PPP3CA: variants seen among roughly 807,000 people sequenced by gnomAD.
PPP3CA encodes protein phosphatase 3 catalytic subunit alpha.
In PPP3CA, 14 loss-of-function variants were observed where a neutral mutation model predicts 66.5. The ratio of observed to expected loss-of-function variants is 0.21; its 90% confidence interval spans 0.14 to 0.33. The LOEUF is 0.33. Among genes scored for constraint, PPP3CA ranks in the 10% least tolerant of loss-of-function variants. The pLI is 1.00. For missense variants in PPP3CA, 317 were observed against 639.5 expected (o/e 0.50, Z 5.44); for synonymous variants, 232 against 226.2 (o/e 1.03, Z -0.23).
chr4:101,341,664 C>G (rs866530208), intron 1 of PPP3CA, among the ~76,000 whole-genome samples: 12 of 152,222 alleles, frequency 7.9e-5, no homozygotes, highest in African/African-American at 2.9e-4. Context: ...CAATTACTCC[C>G]CTTTTATGTA....
intron 10 of PPP3CA, among the ~76,000 whole-genome samples, chr4:101,053,593 C>A (rs546022599): frequency 3.5e-4 from 53 of 152,240 alleles, no homozygotes; most frequent in African/African-American, 1.3e-3. Context: ...ATTTCTTTCT[C>A]AATTTCTAGG....
At chr4:101,317,286 A>ACACACACACACT (rs1483939136) in intron 1 of PPP3CA, among the ~76,000 whole-genome samples, 1 of 150,566 alleles carries the variant, frequency 6.6e-6, no homozygotes, top group African/African-American at 2.4e-5. Context: ...ACACACACAC[A>ACACACACACACT]CTCACACACA....
chr4:101,187,222 C>G (rs567915883), intron 2 of PPP3CA, among the ~76,000 whole-genome samples: 1 of 152,238 alleles, frequency 6.6e-6, no homozygotes, highest in East Asian at 1.9e-4. Context: ...ATCACACTTC[C>G]TATTATCACC....
chr4:101,167,497 TG>T (rs1723730124), intron 2 of PPP3CA, among the ~76,000 whole-genome samples: 1 of 151,936 alleles, frequency 6.6e-6, no homozygotes, highest in South Asian at 2.1e-4. Context: ...AATAGGGCAA[TG>T]AAAAAAAGAG....
chr4:101,178,095 A>T (rs753030022), intron 2 of PPP3CA, among the ~76,000 whole-genome samples: 2 of 152,050 alleles, frequency 1.3e-5, no homozygotes, highest in Admixed American at 6.6e-5. Flanking sequence ...GTAAAGTAGA[A>T]ATTATTTCAA....
chr4:101,161,614 G>T (rs1723511469), intron 2 of PPP3CA, among the ~76,000 whole-genome samples: 1 of 152,126 alleles, frequency 6.6e-6, no homozygotes, highest in Non-Finnish European at 1.5e-5. Context: ...AAAATGCTCG[G>T]TTGGCAATTA....
chr4:101,083,084 G>T lies in PPP3CA; in HGVS notation c.860+102C>A, dbSNP rs533965974. On this transcript the variant is annotated intron_variant, in intron 7 of 13. Transcript: ENST00000394854. ...TAATTTTAAGCTCTAATTCCTTTTG[G>T]GAGTGAGCCTGGTAAAAGGGAACCT... 56 of 810,390 alleles carry T rather than the reference G, an allele frequency of 6.9e-5. No individual in the cohort carries two copies. The African/African-American group carries it at 9.6e-4, about 14-fold the overall frequency. The allele number at this position is 810,390 out of a possible 1,614,324, so 50.2% of individuals were successfully genotyped here. A position where few individuals can be genotyped will look rare whatever the true frequency, so the allele number is the denominator to read the frequency against.
At chr4:101,146,146 A>T (rs1303957241) in intron 2 of PPP3CA, among the ~76,000 whole-genome samples, 1 of 152,166 alleles carries the variant, frequency 6.6e-6, no homozygotes, top group Non-Finnish European at 1.5e-5. Flanking sequence ...GTTTTCTGTA[A>T]TTGAGTCTCT....
At chr4:101,072,682 C>T (rs1320363455) in intron 8 of PPP3CA, among the ~76,000 whole-genome samples, 1 of 152,048 alleles carries the variant, frequency 6.6e-6, no homozygotes, top group African/African-American at 2.4e-5. Context: ...TATGCTATCA[C>T]AACTGAAGGG....
At chr4:101,159,693 T>C (rs1448983458) in intron 2 of PPP3CA, among the ~76,000 whole-genome samples, 1 of 152,160 alleles carries the variant, frequency 6.6e-6, no homozygotes, top group African/African-American at 2.4e-5. Flanking sequence ...ATTATTCCCA[T>C]CCTATGTGCT....
intron 1 of PPP3CA, among the ~76,000 whole-genome samples, chr4:101,197,594 A>T (rs1264129432): frequency 6.6e-6 from 1 of 152,208 alleles, no homozygotes; most frequent in Non-Finnish European, 1.5e-5. Context: ...CTATCTGAGG[A>T]TTGTTATACT....
intron 2 of PPP3CA, among the ~76,000 whole-genome samples, chr4:101,128,784 A>G (rs1722331416): frequency 6.6e-6 from 1 of 152,072 alleles, no homozygotes; most frequent in African/African-American, 2.4e-5. Context: ...TGGCTACACC[A>G]CAAGGGCCCT....
chr4:101,050,527 T>C (rs1050901048), intron 10 of PPP3CA, among the ~76,000 whole-genome samples: 1 of 152,194 alleles, frequency 6.6e-6, no homozygotes, highest in African/African-American at 2.4e-5. Flanking sequence ...AGGCATGTTC[T>C]AAATGCATTA....
chr4:101,325,909 T>A (rs1434303201), intron 1 of PPP3CA, among the ~76,000 whole-genome samples: 1 of 152,124 alleles, frequency 6.6e-6, no homozygotes, highest in Non-Finnish European at 1.5e-5. Context: ...GGGCTGAGGT[T>A]AGGCGGATCA....
chr4:101,346,887 C>T lies in PPP3CA; in HGVS notation c.-91G>A. On this transcript the variant is annotated 5_prime_UTR_variant, in exon 1 of 14. Coordinates refer to ENST00000394854, the MANE Select transcript of PPP3CA (RefSeq NM_000944.5). ...CGGGCCAGACACTCAACGCCGCCGC[C>T]GCCGCCGCCGCCGCCGCGCTGCAAA... is the stretch of plus-strand genomic sequence containing the variant. 1 of 1,397,702 alleles carries T rather than the reference C, an allele frequency of 7.2e-7. No individual in the cohort carries two copies. The highest frequency in any genetic ancestry group is 9.8e-7 in the Non-Finnish European group (1 of 1,015,256). The allele number at this position is 1,397,702 out of a possible 1,614,324, so 86.6% of individuals were successfully genotyped here.
intron 1 of PPP3CA, among the ~76,000 whole-genome samples, chr4:101,223,157 C>T (rs1036994795): frequency 2.6e-5 from 4 of 151,750 alleles, no homozygotes; most frequent in Non-Finnish European, 5.9e-5. Context: ...AATGGAAAGA[C>T]TGGCTTAAAT....
At chr4:101,132,891 C>T (rs1396403286) in intron 2 of PPP3CA, among the ~76,000 whole-genome samples, 1 of 152,136 alleles carries the variant, frequency 6.6e-6, no homozygotes, top group East Asian at 1.9e-4. Flanking sequence ...CATCAAAAAG[C>T]TTATCCACCA....
chr4:101,068,624 A>G (rs188628922), intron 8 of PPP3CA, among the ~76,000 whole-genome samples: 15 of 152,260 alleles, frequency 9.9e-5, no homozygotes, highest in African/African-American at 2.4e-4. Flanking sequence ...TCCGTAGTAT[A>G]TATTATAGCA....
chr4:101,320,788 T>C (rs1402961068), intron 1 of PPP3CA, among the ~76,000 whole-genome samples: 1 of 152,138 alleles, frequency 6.6e-6, no homozygotes, highest in Non-Finnish European at 1.5e-5. Context: ...AGTAGGCATA[T>C]GATCCGTTCA....
Sources: gnomAD v4.1 joint callset for allele counts (sites outside exome capture counted in the v4.1 genomes callset) on GRCh38, gnomAD v4.1.1 for gene constraint, MANE v1.5 for transcripts, NCBI Gene and HGNC (gene_info 2026-07-23, HGNC 2026-07-21) for gene names.